Variants in PPFIA1 observed in about 807,000 individuals in gnomAD.
The protein encoded by PPFIA1 is liprin-alpha-1.
PPFIA1 carries 25 observed loss-of-function variants against 149.9 expected under a neutral mutation model. The ratio of observed to expected loss-of-function variants is 0.17; its 90% CI spans 0.12 to 0.23. The LOEUF is 0.23. PPFIA1 is among the 10% of genes least tolerant of loss of function. PPFIA1 has a pLI of 1.00. For missense variants in PPFIA1, 1,362 were observed against 1,506.5 expected (o/e 0.90, Z 1.59); for synonymous variants, 549 against 552.8 (o/e 0.99, Z 0.10).
intron 14 of PPFIA1, among the ~76,000 whole-genome samples, chr11:70,343,059 TGCCTCA>T (rs936860753): frequency 6.8e-6 from 1 of 147,592 alleles, no homozygotes; most frequent in African/African-American, 2.5e-5. Flanking sequence ...GCAATTCTCC[TGCCTCA>T]GCCTCTCCAG....
intron 11 of PPFIA1, 89 bp downstream of exon 11, chr11:70,335,783 G>A: frequency 6.9e-7 from 1 of 1,450,398 alleles, no homozygotes; most frequent in Non-Finnish European, 9.5e-7. Context: ...GTGTAACAGT[G>A]GTTAGCAGCT....
chr11:70,272,578 A>G (rs1339947819), intron 2 of PPFIA1, 142 bp downstream of exon 2: 2 of 1,042,580 alleles, frequency 1.9e-6, no homozygotes, highest in Non-Finnish European at 1.4e-6. Context: ...TAAGTCAAAT[A>G]CAAAGTTCCT....
intron 21 of PPFIA1, chr11:70,365,519 C>T (rs1028480031): frequency 6.8e-6 from 3 of 441,016 alleles, no homozygotes; most frequent in Non-Finnish European, 4.6e-6. Flanking sequence ...TTGTTGAAAA[C>T]AAAATGTTGT....
chr11:70,333,605 T>C, intron 10 of PPFIA1, 52 bp downstream of exon 10: 1 of 1,459,610 alleles, frequency 6.9e-7, no homozygotes, highest in Non-Finnish European at 9.5e-7. Flanking sequence ...TGCAAGGTCA[T>C]TGCTCGGCTG....
chr11:70,276,014 A>T (rs1303875108), intron 2 of PPFIA1, among the ~76,000 whole-genome samples: 1 of 152,208 alleles, frequency 6.6e-6, no homozygotes, highest in Non-Finnish European at 1.5e-5. Flanking sequence ...AGTTTTTTAA[A>T]AACCATGAGC....
intron 2 of PPFIA1, among the ~76,000 whole-genome samples, chr11:70,272,902 AG>A (rs1201377818): frequency 6.6e-6 from 1 of 152,248 alleles, no homozygotes; most frequent in Non-Finnish European, 1.5e-5. Flanking sequence ...CAGAACATCT[AG>A]GTTTTGTAAG....
At position 70,378,128 on chromosome 11, in the gene PPFIA1, T is replaced by C. The variant is rs1207677474; in HGVS notation, c.3483T>C (p.Pro1161=). 2 of 1,614,074 alleles carry C rather than the reference T, an allele frequency of 1.2e-6. No individual in the cohort carries two copies. The highest frequency in any genetic ancestry group is 2.7e-5 in the African/African-American group (2 of 74,930). Residue 1161 remains proline (P), a synonymous_variant, in exon 26 of 28, where the codon CCT becomes CCC. Coordinates refer to ENST00000253925, the MANE Select transcript of PPFIA1 (RefSeq NM_003626.5). ...CTGCTGGGTCAGCAGAGACTCTCCCTGCAAACTTCCGGGTGACTTCTTCTA... is the reference window on the plus strand; with the variant it reads ...CTGCTGGGTCAGCAGAGACTCTCCCCGCAAACTTCCGGGTGACTTCTTCTA... The part of the protein sequence containing the change: ...GLAAGSAETL[P]ANFRVTSSMS...
chr11:70,362,377 G>C lies in PPFIA1; in HGVS notation c.2754G>C (p.Glu918Asp). 1 of 1,614,232 alleles carries C rather than the reference G, an allele frequency of 6.2e-7. No homozygotes were observed. Among genetic ancestry groups the C allele is most frequent in the Non-Finnish European group, 8.5e-7 (1 of 1,180,036 alleles). ...TCATGTCGGCCCTGTCCGACACAGA[G>C]ATCCAGCGTGAGATTGGCATCAGCA... The part of the protein sequence containing the change: ...GAIMSALSDT[E>D]IQREIGISNP... The change falls in exon 21 of 28, where the codon GAG (glutamate) becomes GAC (aspartate). Residue 918 changes from glutamate (E) to aspartate (D), a missense_variant. Coordinates refer to ENST00000253925, the MANE Select transcript of PPFIA1 (RefSeq NM_003626.5).
chr11:70,315,848 A>G (rs2053588914), intron 2 of PPFIA1, among the ~76,000 whole-genome samples: 1 of 151,438 alleles, frequency 6.6e-6, no homozygotes, highest in Admixed American at 6.6e-5. Flanking sequence ...CCGAAACTCC[A>G]TCCCCATTAA....
intron 2 of PPFIA1, among the ~76,000 whole-genome samples, chr11:70,283,793 TA>T (rs1057235765): frequency 1.4e-5 from 2 of 147,964 alleles, no homozygotes; most frequent in African/African-American, 5.0e-5. Flanking sequence ...TGGGGGAGAG[TA>T]AAGAGGAGAC....
At chr11:70,336,374 C>T (rs1321172622) in intron 11 of PPFIA1, among the ~76,000 whole-genome samples, 14 of 152,030 alleles carry the variant, frequency 9.2e-5, no homozygotes, top group Non-Finnish European at 1.0e-4. Flanking sequence ...TGGGGGCACC[C>T]GCCTGTAGTC....
chr11:70,295,018 A>G (rs540335384), intron 2 of PPFIA1, among the ~76,000 whole-genome samples: 7 of 152,292 alleles, frequency 4.6e-5, no homozygotes, highest in Admixed American at 1.3e-4. Flanking sequence ...CCCGCTTTCT[A>G]TTCCACAAAA....
At chr11:70,363,821 T>G (rs2056785686) in intron 21 of PPFIA1, among the ~76,000 whole-genome samples, 2 of 152,026 alleles carry the variant, frequency 1.3e-5, no homozygotes, top group Non-Finnish European at 2.9e-5. Flanking sequence ...GCCAGAAGCA[T>G]CCATTGAAAT....
intron 15 of PPFIA1, among the ~76,000 whole-genome samples, chr11:70,344,338 C>T (rs1041450401): frequency 7.2e-5 from 11 of 152,208 alleles, no homozygotes; most frequent in African/African-American, 1.9e-4. Context: ...GAAGAGATGA[C>T]GGACTGAAGC....
intron 2 of PPFIA1, among the ~76,000 whole-genome samples, chr11:70,280,853 C>G (rs988017890): frequency 3.3e-5 from 5 of 152,156 alleles, no homozygotes; most frequent in African/African-American, 1.2e-4. Flanking sequence ...CAGGTGTGAG[C>G]TATTGTGCCC....
At chr11:70,320,436 CT>C (rs34619705) in intron 2 of PPFIA1, among the ~76,000 whole-genome samples, 2,714 of 128,294 alleles carry the variant, frequency 0.021, 72 homozygotes, top group African/African-American at 0.073. Context: ...GATGTAGCTA[CT>C]TTTTTTTTTT....
intron 2 of PPFIA1, among the ~76,000 whole-genome samples, chr11:70,275,778 T>C (rs2050347115): frequency 1.3e-5 from 2 of 152,172 alleles, no homozygotes; most frequent in African/African-American, 4.8e-5. Flanking sequence ...TTTGCACAAA[T>C]AGCACAATGT....
intron 14 of PPFIA1, among the ~76,000 whole-genome samples, chr11:70,339,786 G>GGGT (rs1221489472): frequency 6.6e-6 from 1 of 152,162 alleles, no homozygotes; most frequent in Non-Finnish European, 1.5e-5. Context: ...AGGCCAAGGC[G>GGGT]GGTGGATCAC....
intron 24 of PPFIA1, 125 bp from the exon 25 acceptor site, chr11:70,376,407 G>C (rs1386974068): frequency 1.1e-6 from 1 of 930,514 alleles, no homozygotes; most frequent in Non-Finnish European, 1.7e-6. Flanking sequence ...AATTACAGGC[G>C]TGAGCCACCA....
Sources: gnomAD v4.1 joint callset for allele counts (sites outside exome capture counted in the v4.1 genomes callset) on GRCh38, gnomAD v4.1.1 for gene constraint, MANE v1.5 for transcripts, NCBI Gene and HGNC (gene_info 2026-07-23, HGNC 2026-07-21) for gene names.